Variants in DCC observed in about 807,000 individuals in gnomAD.
DCC encodes DCC netrin 1 receptor, also known as netrin receptor DCC.
In DCC, 58 loss-of-function variants were observed where a neutral mutation model predicts 172.5. The observed-to-expected ratio is 0.34, with a 90% CI of 0.27 to 0.42. The LOEUF (loss-of-function observed/expected upper bound fraction) is 0.42, where lower values mean the gene tolerates loss of function less well. Among genes scored for constraint, DCC ranks in the 10% least tolerant of loss-of-function variants. DCC has a pLI of 1.00. For synonymous variants in DCC, 709 were observed against 644.5 expected (o/e 1.10, Z -1.52); for missense variants, 1,740 against 1,791.0 (o/e 0.97, Z 0.51).
intron 15 of DCC, among the ~76,000 whole-genome samples, chr18:53,377,888 A>G (rs931447562): frequency 6.6e-6 from 1 of 152,218 alleles, no homozygotes; most frequent in East Asian, 1.9e-4. Context: ...TCATCAAAAG[A>G]TTCAGCAAAA....
At chr18:53,231,902 AG>A (rs1187408430) in intron 12 of DCC, among the ~76,000 whole-genome samples, 1 of 152,168 alleles carries the variant, frequency 6.6e-6, no homozygotes, top group East Asian at 1.9e-4. Context: ...GACTGATAAA[AG>A]TCTGATTTTC....
At chr18:52,874,925 A>G (rs1279218391) in intron 2 of DCC, among the ~76,000 whole-genome samples, 3 of 152,102 alleles carry the variant, frequency 2.0e-5, no homozygotes, top group Non-Finnish European at 4.4e-5. Flanking sequence ...AAGGGTGAAC[A>G]GTGTAGAATT....
At chr18:52,484,944 G>A (rs982929741) in intron 1 of DCC, among the ~76,000 whole-genome samples, 2 of 152,004 alleles carry the variant, frequency 1.3e-5, no homozygotes, top group Non-Finnish European at 2.9e-5. Flanking sequence ...TGGAGACCAG[G>A]CTTTCCTGTC....
intron 1 of DCC, among the ~76,000 whole-genome samples, chr18:52,687,283 CTTTT>C (rs5824954): frequency 8.7e-5 from 11 of 126,374 alleles, no homozygotes; most frequent in Non-Finnish European, 1.5e-4. Context: ...TTTCTTTTTC[CTTTT>C]TTTTTTTTTT....
At chr18:52,475,429 A>G (rs1299008111) in intron 1 of DCC, among the ~76,000 whole-genome samples, 5 of 152,154 alleles carry the variant, frequency 3.3e-5, no homozygotes, top group African/African-American at 9.7e-5. Context: ...AAGATAAAAA[A>G]TGTGATATTT....
At chr18:52,664,467 TTTCTTTTTC>T (rs2035424073) in intron 1 of DCC, among the ~76,000 whole-genome samples, 1 of 96,910 alleles carries the variant, frequency 1.0e-5, no homozygotes, top group African/African-American at 3.9e-5. Context: ...TTCTTTTCTT[TTTCTTTTTC>T]TTTTTTTTTT....
intron 1 of DCC, among the ~76,000 whole-genome samples, chr18:52,367,688 G>A (rs1257458714): frequency 6.6e-6 from 1 of 152,100 alleles, no homozygotes; most frequent in Non-Finnish European, 1.5e-5. Flanking sequence ...CCTAAGTATG[G>A]CTGTTTCTCC....
intron 2 of DCC, among the ~76,000 whole-genome samples, chr18:52,838,006 T>C (rs2038739405): frequency 6.6e-6 from 1 of 152,144 alleles, no homozygotes. Context: ...TCAGATCTCA[T>C]GAGAGCTAAC....
chr18:53,229,711 G>A (rs1028465087), intron 12 of DCC, among the ~76,000 whole-genome samples: 1 of 151,966 alleles, frequency 6.6e-6, no homozygotes, highest in African/African-American at 2.4e-5. Context: ...TGCTAGGATT[G>A]CCAGTTTCTA....
intron 1 of DCC, among the ~76,000 whole-genome samples, chr18:52,746,286 A>C (rs142972139): frequency 1.3e-5 from 2 of 152,178 alleles, no homozygotes; most frequent in African/African-American, 4.8e-5. Context: ...AAGCACCCCA[A>C]AATGAAAGTT....
In DCC at chr18:52,607,160, C is replaced by A. The variant is rs140354049; in HGVS notation, c.92-144894C>A. Among the ~76,000 whole-genome samples, 3 of 152,214 alleles carry A rather than the reference C, an allele frequency of 2.0e-5. No homozygotes were observed. The East Asian group carries it at 5.8e-4, about 29-fold the overall frequency. ...TCGTCACTAACAGAGGCTCTAGGAT[C>A]ATTTCATGCTGCCATGTCCACATCT... On this transcript the variant is annotated intron_variant, in intron 1 of 28. Transcript: ENST00000442544.
chr18:52,933,800 G>C (rs1245920053), intron 5 of DCC, among the ~76,000 whole-genome samples: 1 of 152,042 alleles, frequency 6.6e-6, no homozygotes, highest in Non-Finnish European at 1.5e-5. Context: ...TCATGGTGAA[G>C]TCTGGGCTTT....
At chr18:53,208,097 C>G (rs2055682656) in intron 11 of DCC, among the ~76,000 whole-genome samples, 1 of 148,790 alleles carries the variant, frequency 6.7e-6, no homozygotes, top group African/African-American at 2.5e-5. Flanking sequence ...GACCCTATCT[C>G]TGTAAATGTT....
At chr18:53,438,478 A>G (rs1194604927) in intron 22 of DCC, among the ~76,000 whole-genome samples, 3 of 152,244 alleles carry the variant, frequency 2.0e-5, no homozygotes, top group Non-Finnish European at 2.9e-5. Context: ...AGTAATAGAT[A>G]AAGAAAAATT....
intron 2 of DCC, among the ~76,000 whole-genome samples, chr18:52,804,502 A>G (rs2038050672): frequency 6.6e-6 from 1 of 152,202 alleles, no homozygotes; most frequent in African/African-American, 2.4e-5. Context: ...AGACAAAAAA[A>G]GATAAGAATC....
intron 12 of DCC, among the ~76,000 whole-genome samples, chr18:53,281,036 T>C (rs962732066): frequency 1.3e-5 from 2 of 152,148 alleles, no homozygotes; most frequent in African/African-American, 2.4e-5. Context: ...CAAAATGTTA[T>C]GAATTCTTTT....
At chr18:52,615,270 A>T (rs759897105) in intron 1 of DCC, among the ~76,000 whole-genome samples, 4 of 152,192 alleles carry the variant, frequency 2.6e-5, no homozygotes, top group Non-Finnish European at 5.9e-5. Context: ...AGACAGATTT[A>T]TGTAACTCTT....
intron 1 of DCC, among the ~76,000 whole-genome samples, chr18:52,439,132 G>A (rs1426700538): frequency 6.6e-6 from 1 of 150,864 alleles, no homozygotes; most frequent in Non-Finnish European, 1.5e-5. Context: ...CAGGAAAAAA[G>A]CATGGTAAAC....
chr18:52,699,129 G>A (rs9959836), intron 1 of DCC, among the ~76,000 whole-genome samples: 22,712 of 152,150 alleles, frequency 0.15, 2,188 homozygotes, highest in African/African-American at 0.27. Context: ...TTACAACAAG[G>A]TATGAGCAAA....
Sources: gnomAD v4.1 joint callset for allele counts (sites outside exome capture counted in the v4.1 genomes callset) on GRCh38, gnomAD v4.1.1 for gene constraint, MANE v1.5 for transcripts, NCBI Gene and HGNC (gene_info 2026-07-23, HGNC 2026-07-21) for gene names.